CPLX1: variants seen among roughly 807,000 people sequenced by gnomAD.
CPLX1 encodes the protein complexin 1.
In CPLX1, 6 loss-of-function variants were observed where a neutral mutation model predicts 15.6. That is an observed-to-expected ratio of 0.39 (90% CI 0.21 to 0.76). The LOEUF is 0.76. Ranked by LOEUF, CPLX1 falls within the 30% of genes least tolerant of loss-of-function variation. The pLI is 0.43. For missense variants in CPLX1, 242 were observed against 188.6 expected, an observed-to-expected ratio of 1.28 and a Z score of -1.66; for synonymous variants, 91 against 75.2, an observed-to-expected ratio of 1.21 and a Z score of -1.08.
chr4:817,409 T>A lies in CPLX1; in HGVS notation c.31+7083A>T, dbSNP rs1299145393. 7.5e-5 allele frequency among the ~76,000 whole-genome samples: 11 copies of A among 147,018 alleles called. No individual in the cohort carries two copies. In the East Asian group the frequency reaches 2.2e-3, roughly 29 times the overall value. ...TCTCTACTAAAAAAAAAAAAAAAAATTAGCCAGGCGTGGTGGCAGGCACCT... is the reference window on the plus strand; with the variant it reads ...TCTCTACTAAAAAAAAAAAAAAAAAATAGCCAGGCGTGGTGGCAGGCACCT... On this transcript the variant is annotated intron_variant, in intron 2 of 3. Coordinates refer to ENST00000304062, the MANE Select transcript of CPLX1 (RefSeq NM_006651.4).
chr4:818,453 T>C (rs1297964347), intron 2 of CPLX1, among the ~76,000 whole-genome samples: 2 of 152,246 alleles, frequency 1.3e-5, no homozygotes, highest in Non-Finnish European at 2.9e-5. Flanking sequence ...CAATGCTCCC[T>C]CTGTTTTGCG....
intron 2 of CPLX1, among the ~76,000 whole-genome samples, chr4:803,073 G>A (rs1472179979): frequency 2.6e-5 from 4 of 152,138 alleles, no homozygotes; most frequent in African/African-American, 7.2e-5. Context: ...AGGAAGAGCA[G>A]AAAGTATAGG....
At chr4:804,408 G>A (rs924150067) in intron 2 of CPLX1, among the ~76,000 whole-genome samples, 4 of 152,136 alleles carry the variant, frequency 2.6e-5, no homozygotes, top group Non-Finnish European at 5.9e-5. Context: ...ACAGGAACAG[G>A]AATGACGTTC....
chr4:818,230 G>A (rs1427991769), intron 2 of CPLX1, among the ~76,000 whole-genome samples: 1 of 152,220 alleles, frequency 6.6e-6, no homozygotes, highest in Non-Finnish European at 1.5e-5. Context: ...CCGAGGCGCT[G>A]GAGAGGTGTT....
At chr4:798,042 AGGTG>A (rs1406856641) in intron 2 of CPLX1, among the ~76,000 whole-genome samples, 1 of 152,196 alleles carries the variant, frequency 6.6e-6, no homozygotes, top group Non-Finnish European at 1.5e-5. Flanking sequence ...TGGGAGGCCG[AGGTG>A]GGTGGATCAC....
At chr4:824,855 G>T in intron 1 of CPLX1, 1 of 525,652 alleles carries the variant, frequency 1.9e-6, no homozygotes, top group Non-Finnish European at 3.6e-6. Flanking sequence ...GGCTTAGGGG[G>T]CATCGCTCAG....
chr4:826,112 T>G lies in CPLX1; in HGVS notation c.-146A>C, dbSNP rs1203497038. On this transcript the variant is annotated 5_prime_UTR_variant, in exon 1 of 4. Coordinates refer to ENST00000304062, the MANE Select transcript of CPLX1 (RefSeq NM_006651.4). ...CCGGCTGGGTCCATGTGGCGCCCGG[T>G]GAGCTGCGGCGGCGGCTGAAGGGCA... The G allele has an allele frequency of 7.1e-6, 1 of 141,448 alleles. No individual in the cohort carries two copies. The highest frequency in any genetic ancestry group is 2.2e-4 in the East Asian group (1 of 4,540). 8.8% of individuals were successfully genotyped at this position (141,448 alleles called of 1,614,324 possible).
intron 2 of CPLX1, among the ~76,000 whole-genome samples, chr4:822,104 TCTCC>T (rs1746876010): frequency 6.9e-6 from 1 of 144,748 alleles, no homozygotes; most frequent in East Asian, 2.1e-4. Context: ...TGTCTCTGTC[TCTCC>T]CTCTGTCTCT....
intron 2 of CPLX1, among the ~76,000 whole-genome samples, chr4:797,662 G>A (rs887148347): frequency 4.0e-5 from 6 of 151,122 alleles, no homozygotes; most frequent in Admixed American, 6.6e-5. Context: ...GGCCGGGCGC[G>A]GTGGCTCACG....
intron 2 of CPLX1, among the ~76,000 whole-genome samples, chr4:811,750 G>T (rs1746668706): frequency 1.3e-5 from 2 of 152,212 alleles, no homozygotes; most frequent in Admixed American, 1.3e-4. Context: ...GGCTGGCTGT[G>T]CTGCTCAAGT....
At chr4:803,478 C>T (rs1280105967) in intron 2 of CPLX1, among the ~76,000 whole-genome samples, 1 of 152,160 alleles carries the variant, frequency 6.6e-6, no homozygotes, top group African/African-American at 2.4e-5. Flanking sequence ...GCAAGCTCCG[C>T]CTCCCAGGTT....
chr4:792,207 C>T lies in CPLX1; in HGVS notation c.207+226G>A, dbSNP rs556468496. Reference sequence around the variant, plus strand: ...CGGAATGCGGGCCTAGGAAGCCCGCCAGGGCTGGCGCTGTGGTCAGGAGCA... The same window carrying T: ...CGGAATGCGGGCCTAGGAAGCCCGCTAGGGCTGGCGCTGTGGTCAGGAGCA... On this transcript the variant is annotated intron_variant, in intron 3 of 3. Coordinates refer to ENST00000304062, the MANE Select transcript of CPLX1 (RefSeq NM_006651.4). Among the ~76,000 whole-genome samples the T allele has an allele frequency of 3.4e-3, 525 of 152,338 alleles. 3 individuals carry two copies. Among genetic ancestry groups the T allele is most frequent in the African/African-American group, 0.012 (482 of 41,576 alleles).
intron 3 of CPLX1, among the ~76,000 whole-genome samples, chr4:788,847 A>G (rs1577467693): frequency 6.6e-6 from 1 of 152,114 alleles, no homozygotes; most frequent in Non-Finnish European, 1.5e-5. Context: ...GCCCACAGCA[A>G]AAGCACTCAG....
intron 2 of CPLX1, among the ~76,000 whole-genome samples, chr4:793,373 C>T (rs898390301): frequency 3.3e-5 from 5 of 152,100 alleles, no homozygotes; most frequent in Non-Finnish European, 7.4e-5. Context: ...GCACCCAGGC[C>T]CTAATTGCTC....
intron 2 of CPLX1, among the ~76,000 whole-genome samples, chr4:820,237 G>A (rs1031570228): frequency 6.6e-6 from 1 of 151,144 alleles, no homozygotes; most frequent in Non-Finnish European, 1.5e-5. Context: ...CGTCCTCCCG[G>A]ACCCAGCTCA....
chr4:801,115 A>G (rs1746447995), intron 2 of CPLX1, among the ~76,000 whole-genome samples: 1 of 151,714 alleles, frequency 6.6e-6, no homozygotes, highest in African/African-American at 2.4e-5. Context: ...GAGATTGAGA[A>G]TAGCCTGGCT....
chr4:822,119 G>C (rs973707143), intron 2 of CPLX1, among the ~76,000 whole-genome samples: 1 of 146,126 alleles, frequency 6.8e-6, no homozygotes, highest in Non-Finnish European at 1.5e-5. Context: ...CTCTGTCTCT[G>C]TCTCTCCCTC....
At chr4:801,975 A>C (rs1010201007) in intron 2 of CPLX1, among the ~76,000 whole-genome samples, 1 of 152,232 alleles carries the variant, frequency 6.6e-6, no homozygotes, top group African/African-American at 2.4e-5. Flanking sequence ...TAAATGCTAC[A>C]ACCACTTTGC....
chr4:804,141 A>G (rs953803682), intron 2 of CPLX1, among the ~76,000 whole-genome samples: 1 of 152,268 alleles, frequency 6.6e-6, no homozygotes, highest in African/African-American at 2.4e-5. Context: ...GGGAGATTCC[A>G]TGACAGTCCC....
Sources: allele counts gnomAD v4.1 joint callset (sites outside exome capture counted in the v4.1 genomes callset), GRCh38; gene constraint gnomAD v4.1.1; transcripts MANE v1.5; gene names NCBI Gene and HGNC (gene_info 2026-07-23, HGNC 2026-07-21).